Variants in INO80 observed in about 807,000 individuals in gnomAD.
INO80 encodes the protein chromatin-remodeling ATPase INO80.
In INO80, 20 loss-of-function variants were observed where a neutral mutation model predicts 203.4. The observed-to-expected ratio is 0.10, with a 90% CI of 0.07 to 0.14. INO80 has a LOEUF of 0.14. Among genes scored for constraint, INO80 ranks in the 10% least tolerant of loss-of-function variants. The pLI is 1.00. For missense variants in INO80, 1,419 were observed against 1,914.4 expected (o/e 0.74, Z 4.83); for synonymous variants, 726 against 685.2 (o/e 1.06, Z -0.93).
At chr15:41,057,018 AT>A (rs1478581531) in intron 16 of INO80, among the ~76,000 whole-genome samples, 1 of 152,230 alleles carries the variant, frequency 6.6e-6, no homozygotes, top group African/African-American at 2.4e-5. Flanking sequence ...GACATAAGTC[AT>A]TTAATTAGAA....
chr15:41,096,128 G>C lies in INO80; in HGVS notation c.143+40C>G, dbSNP rs754089648. 5.2e-6 allele frequency: 8 copies of C among 1,550,388 alleles called. No homozygotes were observed. The Middle Eastern group carries it at 7.3e-4, about 142-fold the overall frequency. On this transcript the variant is annotated intron_variant, in intron 2 of 35. Coordinates refer to ENST00000648947, the MANE Select transcript of INO80 (RefSeq NM_017553.3). ...AAATCTGTAAGGATGATGGAAATCA[G>C]GAATTTGGTAAAACATATTGCAAAG...
chr15:41,030,786 T>G (rs553819920), intron 24 of INO80, among the ~76,000 whole-genome samples: 30 of 152,160 alleles, frequency 2.0e-4, no homozygotes, highest in African/African-American at 7.2e-4. Flanking sequence ...GCAATTCTCC[T>G]GCCTCAGCCT....
At chr15:41,039,524 G>C (rs2044636276) in intron 24 of INO80, among the ~76,000 whole-genome samples, 1 of 152,202 alleles carries the variant, frequency 6.6e-6, no homozygotes, top group South Asian at 2.1e-4. Context: ...GTGGTATGCA[G>C]TAATATGTTT....
intron 27 of INO80, among the ~76,000 whole-genome samples, chr15:41,012,256 G>A (rs557544098): frequency 2.6e-5 from 4 of 152,262 alleles, no homozygotes; most frequent in African/African-American, 4.8e-5. Flanking sequence ...TGTTCCCCTA[G>A]TATGCCCAAC....
rs187664538 is a variant in INO80 at position 41,057,998 on chromosome 15, G to A, written c.1985+641C>T. The stretch of plus-strand genomic sequence containing the variant: ...TTTACTTTGGGACCTCAAAGGTATT[G>A]GAATATTTTAAACACATAACTTAGA... On this transcript the variant is annotated intron_variant, in intron 16 of 35. Transcript: ENST00000648947. Among the ~76,000 whole-genome samples, 410 of 152,070 alleles carry A rather than the reference G, an allele frequency of 2.7e-3. 3 individuals carry two copies. Among genetic ancestry groups the A allele is most frequent in the South Asian group, 0.013 (62 of 4,820 alleles).
At position 41,048,268 on chromosome 15, in the gene INO80, C is replaced by T; in HGVS notation, c.2585G>A (p.Arg862Lys). 1 of 1,611,734 alleles carries T rather than the reference C, an allele frequency of 6.2e-7. No homozygotes were observed. The highest frequency in any genetic ancestry group is 8.5e-7 in the Non-Finnish European group (1 of 1,178,112). Reference protein sequence around the residue: ...VFNHSRDRWLRVLSPFAPDYI... With the variant: ...VFNHSRDRWLKVLSPFAPDYI... Reference sequence around the variant, plus strand: ...GTCTGGTGCAAATGGAGAAAGAACCCTTAACCACCTGCAAAGTAAGTAAAT... The same window carrying T: ...GTCTGGTGCAAATGGAGAAAGAACCTTTAACCACCTGCAAAGTAAGTAAAT... The change falls in exon 22 of 36, where the codon AGG (arginine) becomes AAG (lysine). Residue 862 changes from arginine (R) to lysine (K), a missense_variant. Arg to Lys is a conservative substitution (Grantham distance 26). This residue lies in a region of INO80 where 302 missense variants were observed against 345.4 expected (regional missense o/e 0.87). Transcript: ENST00000648947.
chr15:41,067,720 CT>C (rs2045245448), intron 14 of INO80, among the ~76,000 whole-genome samples: 1 of 152,142 alleles, frequency 6.6e-6, no homozygotes, highest in African/African-American at 2.4e-5. Context: ...CATTTCTACC[CT>C]ATCCCAAGCT....
At chr15:41,102,331 T>A (rs974474399) in intron 1 of INO80, among the ~76,000 whole-genome samples, 1 of 152,202 alleles carries the variant, frequency 6.6e-6, no homozygotes, top group African/African-American at 2.4e-5. Context: ...TACTGCTTTT[T>A]AAAATTATAT....
chr15:41,085,842 A>G (rs1478709257), intron 6 of INO80, among the ~76,000 whole-genome samples: 1 of 152,178 alleles, frequency 6.6e-6, no homozygotes, highest in Non-Finnish European at 1.5e-5. Flanking sequence ...AATACAGAAT[A>G]AAACCCGAGA....
At chr15:41,005,729 T>C (rs2044031012) in intron 27 of INO80, 42 bp from the exon 28 acceptor site, 3 of 1,114,558 alleles carry the variant, frequency 2.7e-6, no homozygotes, top group Non-Finnish European at 4.1e-6. Flanking sequence ...CTGATGCAAA[T>C]TACTGTATTC....
chr15:41,018,997 T>C (rs1355697462), intron 26 of INO80, among the ~76,000 whole-genome samples: 1 of 152,224 alleles, frequency 6.6e-6, no homozygotes, highest in Non-Finnish European at 1.5e-5. Context: ...CCTACAATCC[T>C]ATAGTACTTT....
At chr15:41,035,560 G>A (rs999730901) in intron 24 of INO80, among the ~76,000 whole-genome samples, 39 of 151,420 alleles carry the variant, frequency 2.6e-4, no homozygotes, top group East Asian at 9.7e-4. Context: ...GGTGGCTCAC[G>A]CCTGTAATCC....
At chr15:41,035,333 G>A (rs1285798293) in intron 24 of INO80, among the ~76,000 whole-genome samples, 1 of 152,056 alleles carries the variant, frequency 6.6e-6, no homozygotes, top group Admixed American at 6.6e-5. Flanking sequence ...CTAACACTCT[G>A]GGAGGCTGAG....
At chr15:41,059,182 G>A (rs56119953) in intron 15 of INO80, among the ~76,000 whole-genome samples, 9 of 149,952 alleles carry the variant, frequency 6.0e-5, no homozygotes, top group Non-Finnish European at 1.0e-4. Context: ...GGCTGGTCTC[G>A]AACTCCTGGA....
chr15:41,103,968 C>G (rs565196364), intron 1 of INO80, among the ~76,000 whole-genome samples: 1 of 151,972 alleles, frequency 6.6e-6, no homozygotes, highest in Non-Finnish European at 1.5e-5. Flanking sequence ...GTAATCCCAG[C>G]ACCTTGGGAG....
intron 7 of INO80, among the ~76,000 whole-genome samples, chr15:41,083,190 G>A (rs1186284193): frequency 6.7e-6 from 1 of 149,542 alleles, no homozygotes; most frequent in Non-Finnish European, 1.5e-5. Context: ...GAGGCTGAAG[G>A]AGGAGAATGG....
intron 9 of INO80, 127 bp downstream of exon 9, chr15:41,079,574 C>CAAAAA: frequency 1.7e-5 from 11 of 644,144 alleles, no homozygotes; most frequent in Admixed American, 5.8e-5. Flanking sequence ...GCATCTCTAC[C>CAAAAA]AAAAAAAAAA....
intron 29 of INO80, among the ~76,000 whole-genome samples, 197 bp from the exon 30 acceptor site, chr15:40,988,171 CTGTTT>C (rs890186286): frequency 1.3e-5 from 2 of 152,098 alleles, no homozygotes; most frequent in Non-Finnish European, 2.9e-5. Context: ...ATACATGCTC[CTGTTT>C]TATTTTTTTC....
rs1178592958 is a variant in INO80, at chr15:41,059,528, C to T, written c.1842+339G>A. Reference sequence around the variant, plus strand: ...TAGTCCCAAAAATTAGCTGGGTGTGCTGTCTCCTGCTTGTAGTTTGGGTGG... The same window carrying T: ...TAGTCCCAAAAATTAGCTGGGTGTGTTGTCTCCTGCTTGTAGTTTGGGTGG... On this transcript the variant is annotated intron_variant, in intron 15 of 35. Coordinates refer to ENST00000648947, the MANE Select transcript of INO80 (RefSeq NM_017553.3). Among the ~76,000 whole-genome samples, 3 of 150,454 alleles carry T rather than the reference C, an allele frequency of 2.0e-5. No homozygotes were observed. The East Asian group carries it at 6.2e-4, about 31-fold the overall frequency.
Sources: allele counts gnomAD v4.1 joint callset (sites outside exome capture counted in the v4.1 genomes callset), GRCh38; gene constraint gnomAD v4.1.1; regional missense constraint gnomAD v4.1.1; transcripts MANE v1.5; gene names NCBI Gene and HGNC (gene_info 2026-07-23, HGNC 2026-07-21).